TLR6: variants seen among roughly 807,000 people sequenced by gnomAD.
TLR6 encodes the protein toll like receptor 6, also known as toll-like receptor 6.
TLR6 carries 9 observed loss-of-function variants against 16.1 expected under a neutral mutation model. The ratio of observed to expected loss-of-function variants is 0.56; its 90% CI spans 0.34 to 0.98. The LOEUF (loss-of-function observed/expected upper bound fraction) is 0.98. TLR6 is among the 50% of genes least tolerant of loss of function. The pLI is 0.02. For missense variants in TLR6, 786 were observed against 921.0 expected (o/e 0.85, Z 1.90); for synonymous variants, 340 against 338.6 (o/e 1.00, Z -0.04).
chr4:38,839,034 G>C (rs1579249631), intron 1 of TLR6, among the ~76,000 whole-genome samples: 1 of 134,020 alleles, frequency 7.5e-6, no homozygotes, highest in South Asian at 2.5e-4. Context: ...AGTTAAGAAA[G>C]AGAGAGAAAG....
intron 1 of TLR6, among the ~76,000 whole-genome samples, chr4:38,846,088 C>CAAAAAAAAAAACAAAAAAAAAA (rs1712516619): frequency 1.0e-5 from 1 of 97,042 alleles, no homozygotes; most frequent in Non-Finnish European, 2.2e-5. Flanking sequence ...CGAGACATCT[C>CAAAAAAAAAAACAAAAAAAAAA]AAAAAAAAAA....
exon 2 of TLR6, chr4:38,829,399 T>A (rs775168901): frequency 6.2e-7 from 1 of 1,614,138 alleles, no homozygotes; most frequent in Non-Finnish European, 8.5e-7. Flanking sequence ...AGAACTGGAT[T>A]CTGGTTCCAA....
At chr4:38,833,086 C>T (rs1711705504) in intron 1 of TLR6, among the ~76,000 whole-genome samples, 1 of 152,134 alleles carries the variant, frequency 6.6e-6, no homozygotes, top group African/African-American at 2.4e-5. Context: ...GCTTGCCCAG[C>T]CTGCTGCTGC....
chr4:38,830,948 T>G lies in TLR6; in HGVS notation c.-64-1411A>C, dbSNP rs114725857. ...ATTGTTATCTTTTTGATTGTGTAAC[T>G]TGGCATTAAAGGAATCTCTAATTTA... On this transcript the variant is annotated intron_variant, in intron 1 of 1. Transcript: ENST00000436693. Among the ~76,000 whole-genome samples, 1,505 of 152,084 alleles carry G rather than the reference T, an allele frequency of 9.9e-3. 22 individuals are homozygous for G. Among genetic ancestry groups the G allele is most frequent in the African/African-American group, 0.034 (1,413 of 41,484 alleles).
In TLR6 at chr4:38,827,016, T is replaced by TA. The variant is rs1727570597; in HGVS notation, c.*66dup. 5 of 1,257,494 alleles carry TA rather than the reference T, an allele frequency of 4.0e-6. No homozygotes were observed. The South Asian group carries it at 6.3e-5, about 16-fold the overall frequency. The allele number at this position is 1,257,494 out of a possible 1,614,324, so 77.9% of individuals were successfully genotyped here. A position where few individuals can be genotyped will look rare whatever the true frequency, so the allele number is the denominator to read the frequency against. On this transcript the variant is annotated 3_prime_UTR_variant, in exon 2 of 2. Transcript: ENST00000436693. ...ATGGAGGCACCTCCAGACAGTTACT[T>TA]ACGACTGTACTATTCACCATCATCC...
At chr4:38,832,425 C>T (rs1711655669) in intron 1 of TLR6, among the ~76,000 whole-genome samples, 1 of 152,220 alleles carries the variant, frequency 6.6e-6, no homozygotes, top group Non-Finnish European at 1.5e-5. Flanking sequence ...ACTGAGAGAT[C>T]TTCAGAGGTC....
chr4:38,862,559 G>C, the TLR6 span, among the ~76,000 whole-genome samples: 1 of 150,300 alleles, frequency 6.7e-6, no homozygotes, highest in South Asian at 2.1e-4. Context: ...GGGATTACAG[G>C]CGTGTGCCAC....
chr4:38,829,622 T>C, intron 1 of TLR6, 85 bp from the exon 2 acceptor site: 1 of 591,904 alleles, frequency 1.7e-6, no homozygotes, highest in Non-Finnish European at 3.0e-6. Flanking sequence ...ATCTAAATGA[T>C]TTCTTCATTC....
At chr4:38,867,903 C>CG in the TLR6 span, 1 of 199,526 alleles carries the variant, frequency 5.0e-6, no homozygotes, top group Non-Finnish European at 1.1e-5. Flanking sequence ...GGCGGCTGCC[C>CG]GGGGGTGGTG....
At chr4:38,867,642 G>A in the TLR6 span, 2 of 151,808 alleles carry the variant, frequency 1.3e-5, no homozygotes, top group African/African-American at 4.8e-5. Flanking sequence ...CAGGAGACTC[G>A]CCCAGCGCGG....
intron 1 of TLR6, among the ~76,000 whole-genome samples, chr4:38,848,804 T>C (rs1044895917): frequency 6.6e-6 from 1 of 152,184 alleles, no homozygotes; most frequent in Non-Finnish European, 1.5e-5. Context: ...TATGTCTGAT[T>C]GGTGTGCCTG....
chr4:38,855,211 C>CAAA (rs3042439), intron 1 of TLR6, among the ~76,000 whole-genome samples: 1,152 of 108,712 alleles, frequency 0.011, 25 homozygotes, highest in African/African-American at 0.035. Context: ...GACTCCGTCT[C>CAAA]AAAAAAAAAA....
intron 1 of TLR6, among the ~76,000 whole-genome samples, chr4:38,832,249 T>C (rs1711647246): frequency 6.6e-6 from 1 of 151,878 alleles, no homozygotes; most frequent in Non-Finnish European, 1.5e-5. Context: ...ACCAAAACAG[T>C]GAGCAGATAA....
chr4:38,862,544 G>A, the TLR6 span, among the ~76,000 whole-genome samples: 1 of 149,274 alleles, frequency 6.7e-6, no homozygotes, highest in Non-Finnish European at 1.5e-5. Flanking sequence ...GCCTCCCAAA[G>A]TGCTGGGATT....
chr4:38,845,495 G>T (rs1266414753), intron 1 of TLR6, among the ~76,000 whole-genome samples: 1 of 152,266 alleles, frequency 6.6e-6, no homozygotes, highest in East Asian at 1.9e-4. Context: ...AAGTGGAAGA[G>T]GAAGGCAGAG....
upstream of TLR6, among the ~76,000 whole-genome samples, chr4:38,858,492 G>C (rs1051537521): frequency 7.9e-5 from 12 of 152,016 alleles, no homozygotes; most frequent in African/African-American, 2.9e-4. Flanking sequence ...GGCCGAGGTG[G>C]GTAGATCACC....
At chr4:38,862,184 G>T in the TLR6 span, among the ~76,000 whole-genome samples, 8 of 152,052 alleles carry the variant, frequency 5.3e-5, no homozygotes, top group Non-Finnish European at 7.4e-5. Context: ...CTGAGCACTG[G>T]GTCCCCTTCC....
chr4:38,860,739 A>T (rs962185532), upstream of TLR6, among the ~76,000 whole-genome samples: 1 of 152,184 alleles, frequency 6.6e-6, no homozygotes, highest in Non-Finnish European at 1.5e-5. Context: ...AAACACATGG[A>T]AAGGTATGCA....
chr4:38,828,903 G>C (rs1727691777), exon 2 of TLR6: 1 of 1,611,002 alleles, frequency 6.2e-7, no homozygotes, highest in African/African-American at 1.3e-5. Context: ...AGAATTTGTA[G>C]ACTTTCTGTC....
Sources: gnomAD v4.1 joint callset for allele counts (sites outside exome capture counted in the v4.1 genomes callset) on GRCh38, gnomAD v4.1.1 for gene constraint, MANE v1.5 for transcripts, NCBI Gene and HGNC (gene_info 2026-07-23, HGNC 2026-07-21) for gene names.